Variants in ALDH5A1 observed in about 807,000 individuals in gnomAD.
ALDH5A1 encodes the protein succinate-semialdehyde dehydrogenase, mitochondrial.
ALDH5A1 carries 33 observed loss-of-function variants against 54.7 expected under a neutral mutation model. The ratio of observed to expected loss-of-function variants is 0.60; its 90% confidence interval spans 0.46 to 0.81. ALDH5A1 has a LOEUF of 0.81. ALDH5A1 is among the 30% of genes least tolerant of loss of function. ALDH5A1 has a pLI of 0.00. For synonymous variants in ALDH5A1, 294 were observed against 292.7 expected, an observed-to-expected ratio of 1.00 and a Z score of -0.05; for missense variants, 657 against 711.0, an observed-to-expected ratio of 0.92 and a Z score of 0.86.
At chr6:24,501,895 A>ATG (rs1243852728) in intron 1 of ALDH5A1, among the ~76,000 whole-genome samples, 5 of 129,834 alleles carry the variant, frequency 3.9e-5, no homozygotes, top group South Asian at 2.7e-4. Context: ...ATATATATAT[A>ATG]TGTGTGTGTG....
intron 5 of ALDH5A1, among the ~76,000 whole-genome samples, chr6:24,515,654 G>A (rs545235516): frequency 3.9e-5 from 6 of 152,294 alleles, no homozygotes; most frequent in East Asian, 1.9e-4. Flanking sequence ...CCCGGGAGGC[G>A]AAGGTTGCAG....
At position 24,533,525 on chromosome 6, in the gene ALDH5A1, A is replaced by C. The variant is rs142482046; in HGVS notation, c.1421A>C (p.Asp474Ala). 9.2e-5 allele frequency: 148 copies of C among 1,614,040 alleles called. No homozygotes were observed. The African/African-American group carries it at 1.8e-3, about 20-fold the overall frequency. The change falls in exon 10 of 10, where the codon GAC becomes GCC. Residue 474 changes from aspartate (D) to alanine (A), a missense_variant. By Grantham distance (126) the Asp-to-Ala change is moderately radical. This residue lies in a region of ALDH5A1 where 425 missense variants were observed against 516.4 expected (regional missense o/e 0.82). Coordinates refer to ENST00000357578, the MANE Select transcript of ALDH5A1 (RefSeq NM_001080.3). ...VGLAGYFYSQ[D>A]PAQIWRVAEQ... ...GTGACAGGTTATTTTTACTCTCAAG[A>C]CCCAGCCCAGATCTGGAGAGTGGCA... is the stretch of plus-strand genomic sequence containing the variant.
intron 1 of ALDH5A1, 95 bp downstream of exon 1, chr6:24,495,445 T>C: frequency 8.0e-7 from 1 of 1,254,204 alleles, no homozygotes; most frequent in Non-Finnish European, 1.1e-6. Context: ...CCGCGTCGCC[T>C]CCCTCCTGTG....
At chr6:24,531,585 A>C (rs566492750) in intron 8 of ALDH5A1, among the ~76,000 whole-genome samples, 1 of 152,218 alleles carries the variant, frequency 6.6e-6, no homozygotes, top group African/African-American at 2.4e-5. Context: ...CTGACATCTT[A>C]TTCCTGAAAT....
intron 4 of ALDH5A1, among the ~76,000 whole-genome samples, chr6:24,510,117 G>T (rs1198455082): frequency 1.3e-5 from 2 of 152,116 alleles, no homozygotes; most frequent in African/African-American, 4.8e-5. Flanking sequence ...TGGTTTTGAA[G>T]GTTCCTTTTG....
At chr6:24,530,875 C>T (rs531781083) in intron 8 of ALDH5A1, among the ~76,000 whole-genome samples, 2 of 152,352 alleles carry the variant, frequency 1.3e-5, no homozygotes, top group African/African-American at 2.4e-5. Flanking sequence ...TCACCTGGAA[C>T]TCACAGGCGT....
At chr6:24,503,539 C>A (rs768084895) in intron 3 of ALDH5A1, 106 bp downstream of exon 3, 5 of 1,352,044 alleles carry the variant, frequency 3.7e-6, no homozygotes, top group Non-Finnish European at 4.1e-6. Flanking sequence ...TTAGTTTTGT[C>A]ACCTGTTCCT....
intron 4 of ALDH5A1, among the ~76,000 whole-genome samples, chr6:24,506,183 C>T (rs1282053715): frequency 2.0e-5 from 3 of 149,204 alleles, no homozygotes; most frequent in Non-Finnish European, 1.5e-5. Flanking sequence ...AAATTCAGTC[C>T]TATAGAGTTT....
rs1474814096 is a variant in ALDH5A1, at chr6:24,515,241, A to G, written c.801A>G (p.Val267=). 7.4e-6 allele frequency: 12 copies of G among 1,613,728 alleles called. No individual in the cohort carries two copies. The highest frequency in any genetic ancestry group is 1.0e-5 in the Non-Finnish European group (12 of 1,179,972). The change falls in exon 5 of 10, where the codon GTA becomes GTG. Residue 267 remains valine, a synonymous_variant. Transcript: ENST00000357578. ...GTTCTCGAAAGAATGCCAAGGAAGT[A>G]GGGGAGGCAATTTGTACTGATCCTC... ...IPCSRKNAKE[V]GEAICTDPLV...
At chr6:24,507,826 T>C (rs1259915593) in intron 4 of ALDH5A1, among the ~76,000 whole-genome samples, 3 of 152,164 alleles carry the variant, frequency 2.0e-5, no homozygotes, top group Non-Finnish European at 4.4e-5. Context: ...ACAGGTGGTA[T>C]TTGGTTACAT....
chr6:24,504,835 C>T, intron 3 of ALDH5A1, 34 bp from the exon 4 acceptor site: 1 of 1,592,762 alleles, frequency 6.3e-7, no homozygotes, highest in Non-Finnish European at 8.6e-7. Flanking sequence ...GTGGTCCTTC[C>T]TCTCACATAC....
At chr6:24,502,045 G>A (rs76368041) in intron 1 of ALDH5A1, among the ~76,000 whole-genome samples, 5,442 of 151,974 alleles carry the variant, frequency 0.036, 185 homozygotes, top group African/African-American at 0.079. Context: ...ATGCTAAGAA[G>A]TCCCACCCTC....
In ALDH5A1 at chr6:24,502,624, G is replaced by A. The variant is rs1759223702; in HGVS notation, c.438+18G>A. The A allele has an allele frequency of 1.3e-6, 2 of 1,599,004 alleles. No individual in the cohort carries two copies. The highest frequency in any genetic ancestry group is 1.7e-5 in the Admixed American group (1 of 59,806). ...CTGAAAGTGTAAGTTCAGGGTTCTGGCTTGGTGCACTGAGAAATTCTCCAG... is the reference window on the plus strand; with the variant it reads ...CTGAAAGTGTAAGTTCAGGGTTCTGACTTGGTGCACTGAGAAATTCTCCAG... On this transcript the variant is annotated intron_variant, in intron 2 of 9. Transcript: ENST00000357578.
At chr6:24,529,394 T>G (rs529025999) in intron 8 of ALDH5A1, among the ~76,000 whole-genome samples, 2 of 152,150 alleles carry the variant, frequency 1.3e-5, no homozygotes, top group South Asian at 2.1e-4. Flanking sequence ...CTCAAACTCC[T>G]TACCTCAAGT....
At chr6:24,524,837 C>T (rs1447409145) in intron 7 of ALDH5A1, among the ~76,000 whole-genome samples, 10 of 152,144 alleles carry the variant, frequency 6.6e-5, no homozygotes, top group African/African-American at 2.4e-4. Context: ...CTACAGTTGC[C>T]TGGGACCCAT....
chr6:24,523,607 A>G (rs71555149), intron 7 of ALDH5A1, among the ~76,000 whole-genome samples: 92 of 152,204 alleles, frequency 6.0e-4, no homozygotes, highest in Admixed American at 1.3e-4. Flanking sequence ...TGCCTCAGCA[A>G]TTAGGATCTT....
chr6:24,502,707 T>C, intron 2 of ALDH5A1, 101 bp downstream of exon 2: 2 of 827,186 alleles, frequency 2.4e-6, no homozygotes, highest in Middle Eastern at 2.2e-4. Flanking sequence ...TGGCTGTAGC[T>C]GAAGAATATG....
rs1240445650 is a variant in ALDH5A1, at chr6:24,515,269, G to A, written c.829G>A (p.Val277Met). The A allele has an allele frequency of 6.2e-7, 1 of 1,613,938 alleles. No homozygotes were observed. The highest frequency in any genetic ancestry group is 1.7e-5 in the Admixed American group (1 of 60,004). ...GGAGGCAATTTGTACTGATCCTCTG[G>A]TGTCCAAAATTTCCTTTACTGGTTC... Reference protein sequence around the residue: ...VGEAICTDPLVSKISFTGSTT... With the variant: ...VGEAICTDPLMSKISFTGSTT... The change falls in exon 5 of 10, where the codon GTG (valine) becomes ATG (methionine). Residue 277 changes from valine to methionine, a missense_variant. Coordinates refer to ENST00000357578, the MANE Select transcript of ALDH5A1 (RefSeq NM_001080.3).
chr6:24,505,085 T>TA, intron 4 of ALDH5A1, 100 bp downstream of exon 4: 1 of 1,208,274 alleles, frequency 8.3e-7, no homozygotes, highest in Admixed American at 1.7e-5. Flanking sequence ...CTTCTTTGCT[T>TA]ACGCCTCCTG....
Sources: gnomAD v4.1 joint callset for allele counts (sites outside exome capture counted in the v4.1 genomes callset) on GRCh38, gnomAD v4.1.1 for gene constraint, gnomAD v4.1.1 regional missense constraint, MANE v1.5 for transcripts, NCBI Gene and HGNC (gene_info 2026-07-23, HGNC 2026-07-21) for gene names.